ANK3: variants seen among roughly 807,000 people sequenced by gnomAD.
The protein encoded by ANK3 is ankyrin-3.
In ANK3, 57 loss-of-function variants were observed where a neutral mutation model predicts 370.9. The observed-to-expected ratio is 0.15, with a 90% CI of 0.12 to 0.19. The LOEUF (loss-of-function observed/expected upper bound fraction) is 0.19, where lower values mean the gene tolerates loss of function less well. Ranked by LOEUF, ANK3 falls within the 10% of genes least tolerant of loss-of-function variation. The pLI, the probability that ANK3 is intolerant of heterozygous loss-of-function variation, is 1.00. For synonymous variants in ANK3, 1,929 were observed against 1,946.3 expected (o/e 0.99, Z 0.23); for missense variants, 4,439 against 5,302.1 (o/e 0.84, Z 5.06).
chr10:60,719,299 T>C (rs1020529631), intron 1 of ANK3, among the ~76,000 whole-genome samples: 2 of 152,176 alleles, frequency 1.3e-5, no homozygotes, highest in African/African-American at 4.8e-5. Context: ...ACTGTTGTAA[T>C]AAGCATCCTT....
intron 2 of ANK3, among the ~76,000 whole-genome samples, chr10:60,556,672 G>A (rs968712103): frequency 1.3e-5 from 2 of 152,102 alleles, no homozygotes; most frequent in Admixed American, 1.3e-4. Flanking sequence ...TATGTAATGT[G>A]ACTAGATAAG....
chr10:60,116,030 G>T (rs2093052361), intron 25 of ANK3, among the ~76,000 whole-genome samples: 1 of 152,092 alleles, frequency 6.6e-6, no homozygotes, highest in Admixed American at 6.5e-5. Context: ...CACATCAGCA[G>T]AAAAACAGAA....
intron 10 of ANK3, 99 bp downstream of exon 10, chr10:60,207,937 C>T: frequency 9.7e-7 from 1 of 1,030,964 alleles, no homozygotes; most frequent in South Asian, 1.4e-5. Context: ...TTAACTAGCA[C>T]CTTCTATTTT....
intron 25 of ANK3, among the ~76,000 whole-genome samples, chr10:60,127,803 T>G (rs1157833492): frequency 2.0e-5 from 3 of 151,050 alleles, no homozygotes; most frequent in African/African-American, 7.3e-5. Context: ...GTTCAAGCGA[T>G]TTTCCTGCTT....
At chr10:60,311,261 T>C (rs2046284464) in intron 1 of ANK3, among the ~76,000 whole-genome samples, 1 of 152,142 alleles carries the variant, frequency 6.6e-6, no homozygotes, top group African/African-American at 2.4e-5. Context: ...GAATGAAACT[T>C]TGTCCTCAGA....
intron 8 of ANK3, among the ~76,000 whole-genome samples, chr10:60,222,456 C>T (rs1255075051): frequency 6.6e-6 from 1 of 151,394 alleles, no homozygotes; most frequent in Non-Finnish European, 1.5e-5. Flanking sequence ...AACTAGCAGG[C>T]ATTTGTTCCA....
At chr10:60,129,149 T>A (rs1171894808) in intron 25 of ANK3, among the ~76,000 whole-genome samples, 1 of 152,200 alleles carries the variant, frequency 6.6e-6, no homozygotes, top group African/African-American at 2.4e-5. Context: ...ATACATTAGA[T>A]GTTGACATAC....
intron 1 of ANK3, among the ~76,000 whole-genome samples, chr10:60,368,827 T>C (rs2059739068): frequency 1.3e-5 from 2 of 152,152 alleles, no homozygotes; most frequent in Admixed American, 1.3e-4. Context: ...AAAACATAGT[T>C]TTGAAAATCC....
chr10:60,247,306 T>C (rs886198388), intron 7 of ANK3, among the ~76,000 whole-genome samples: 5 of 152,084 alleles, frequency 3.3e-5, no homozygotes, highest in African/African-American at 1.2e-4. Context: ...TGTGAGCCAC[T>C]GGACCCAGTC....
Position 60,663,177 on chromosome 10 carries a change from C to A in ANK3, c.58-47953G>T, listed in dbSNP as rs367680258. Among the ~76,000 whole-genome samples, 14 of 152,298 alleles carry A rather than the reference C, an allele frequency of 9.2e-5. No homozygotes were observed. The East Asian group carries it at 1.4e-3, about 15-fold the overall frequency. The stretch of plus-strand genomic sequence containing the variant: ...TCAGATTGCTGCCATTAAAGCACTT[C>A]GTATTGTACATTCTTGGCCACCAGG... On this transcript the variant is annotated intron_variant, in intron 1 of 43. Transcript: ENST00000373827.
At chr10:60,106,256 C>T (rs2092152264) in intron 27 of ANK3, among the ~76,000 whole-genome samples, 197 bp from the exon 28 acceptor site, 1 of 152,068 alleles carries the variant, frequency 6.6e-6, no homozygotes, top group South Asian at 2.1e-4. Flanking sequence ...TTCATTCATT[C>T]ACAAACAGTT....
At chr10:60,562,133 T>G (rs965576900) in intron 2 of ANK3, among the ~76,000 whole-genome samples, 2 of 152,144 alleles carry the variant, frequency 1.3e-5, no homozygotes, top group African/African-American at 4.8e-5. Context: ...AAACACCCAC[T>G]TGGTAGAAAT....
Position 60,036,209 on chromosome 10 carries a change from G to A in ANK3, c.*20-6383C>T, listed in dbSNP as rs143286226. 4.1e-3 allele frequency among the ~76,000 whole-genome samples: 621 copies of A among 152,228 alleles called. 15 individuals carry two copies. Among genetic ancestry groups the A allele is most frequent in the East Asian group, 8.3e-3 (43 of 5,178 alleles). On this transcript the variant is annotated intron_variant, in intron 43 of 43. Transcript: ENST00000280772. ...GAAGTGTAAACCACCATCACATGCAGAGGATTTCAGACACTGCTGTTCTCA... is the reference window on the plus strand; with the variant it reads ...GAAGTGTAAACCACCATCACATGCAAAGGATTTCAGACACTGCTGTTCTCA...
intron 2 of ANK3, among the ~76,000 whole-genome samples, chr10:60,433,563 C>G (rs946999625): frequency 6.6e-6 from 1 of 151,960 alleles, no homozygotes; most frequent in Non-Finnish European, 1.5e-5. Flanking sequence ...ACCGCACGAT[C>G]GTGCCACTGC....
At chr10:60,060,139 C>A (rs75942334) in intron 40 of ANK3, 2 of 639,764 alleles carry the variant, frequency 3.1e-6, no homozygotes, top group African/African-American at 1.8e-5. Context: ...ATAAATTTAT[C>A]GGTTTAGTTC....
At chr10:60,191,323 T>C (rs1462598442) in intron 16 of ANK3, among the ~76,000 whole-genome samples, 1 of 151,648 alleles carries the variant, frequency 6.6e-6, no homozygotes, top group Non-Finnish European at 1.5e-5. Context: ...GAGAAAATAT[T>C]CACAACTATG....
intron 1 of ANK3, among the ~76,000 whole-genome samples, chr10:60,657,037 G>A (rs1046166229): frequency 1.3e-5 from 2 of 152,090 alleles, no homozygotes; most frequent in South Asian, 2.1e-4. Flanking sequence ...GAGGTTTAAT[G>A]GACTTACAGT....
At chr10:60,416,763 A>G (rs2063676966) in intron 2 of ANK3, among the ~76,000 whole-genome samples, 1 of 152,214 alleles carries the variant, frequency 6.6e-6, no homozygotes, top group South Asian at 2.1e-4. Flanking sequence ...ACCATATTAG[A>G]CAGCATAGAA....
chr10:60,446,946 T>C (rs2064464071), intron 2 of ANK3, among the ~76,000 whole-genome samples: 1 of 152,212 alleles, frequency 6.6e-6, no homozygotes, highest in African/African-American at 2.4e-5. Context: ...CTCTGGGTCT[T>C]GTATGTAAGA....
Sources: allele counts gnomAD v4.1 joint callset (sites outside exome capture counted in the v4.1 genomes callset), GRCh38; gene constraint gnomAD v4.1.1; transcripts MANE v1.5; gene names NCBI Gene and HGNC (gene_info 2026-07-23, HGNC 2026-07-21).